Variants in RFC1 observed in about 807,000 individuals in gnomAD.
RFC1 encodes the protein A1 140 kDa subunit.
In RFC1, 37 loss-of-function variants were observed where a neutral mutation model predicts 137.4. The observed-to-expected ratio is 0.27, with a 90% CI of 0.21 to 0.35. RFC1 has a LOEUF of 0.35. RFC1 is among the 10% of genes least tolerant of loss of function. RFC1 has a pLI of 1.00. For synonymous variants in RFC1, 429 were observed against 455.7 expected, an observed-to-expected ratio of 0.94 and a Z score of 0.75; for missense variants, 1,205 against 1,358.5, an observed-to-expected ratio of 0.89 and a Z score of 1.78.
chr4:39,298,456 T>C (rs1738155564), intron 21 of RFC1, among the ~76,000 whole-genome samples: 3 of 152,182 alleles, frequency 2.0e-5, no homozygotes, highest in Admixed American at 6.5e-5. Context: ...AATAATCCTG[T>C]ATAACTATAC....
At chr4:39,355,098 T>TACACACACACACACAC (rs59438877) in intron 1 of RFC1, among the ~76,000 whole-genome samples, 3 of 88,958 alleles carry the variant, frequency 3.4e-5, no homozygotes, top group African/African-American at 1.4e-4. Flanking sequence ...AAAAAAAAAA[T>TACACACACACACACAC]ACACACACAC....
intron 4 of RFC1, among the ~76,000 whole-genome samples, chr4:39,330,780 C>T (rs1740061120): frequency 6.6e-6 from 1 of 152,132 alleles, no homozygotes. Flanking sequence ...TACCGTCAAG[C>T]TTTAATTAAA....
chr4:39,344,265 C>T (rs1740743901), intron 3 of RFC1, among the ~76,000 whole-genome samples: 1 of 152,118 alleles, frequency 6.6e-6, no homozygotes, highest in African/African-American at 2.4e-5. Context: ...CAAAAAAATT[C>T]ATGTTCCCTA....
At chr4:39,312,010 C>T (rs948894567) in intron 11 of RFC1, among the ~76,000 whole-genome samples, 2 of 152,216 alleles carry the variant, frequency 1.3e-5, no homozygotes, top group Non-Finnish European at 2.9e-5. Context: ...TCTTCCCAAC[C>T]TCCCATACAG....
intron 1 of RFC1, 94 bp downstream of exon 1, chr4:39,366,145 C>T: frequency 7.3e-7 from 1 of 1,363,604 alleles, no homozygotes; most frequent in Non-Finnish European, 9.9e-7. Context: ...CACCGCCATC[C>T]TCCCCCACCC....
intron 21 of RFC1, among the ~76,000 whole-genome samples, chr4:39,296,073 A>G (rs1471531989): frequency 6.6e-6 from 1 of 152,180 alleles, no homozygotes; most frequent in Non-Finnish European, 1.5e-5. Flanking sequence ...GTCACAGCAA[A>G]TAATTACTTA....
At chr4:39,354,566 C>T (rs1034053339) in intron 1 of RFC1, among the ~76,000 whole-genome samples, 4 of 151,952 alleles carry the variant, frequency 2.6e-5, no homozygotes, top group African/African-American at 9.7e-5. Context: ...AGGCCAGAAA[C>T]CATCCCTAAA....
At chr4:39,355,098 T>TACACACACACACACACACACAC (rs59438877) in intron 1 of RFC1, among the ~76,000 whole-genome samples, 1 of 88,958 alleles carries the variant, frequency 1.1e-5, no homozygotes, top group South Asian at 3.8e-4. Flanking sequence ...AAAAAAAAAA[T>TACACACACACACACACACACAC]ACACACACAC....
intron 19 of RFC1, among the ~76,000 whole-genome samples, chr4:39,301,105 AAAAAACAAAAAC>A (rs1560592061): frequency 1.3e-5 from 2 of 151,878 alleles, no homozygotes; most frequent in Non-Finnish European, 1.5e-5. Context: ...AAAAAACCAA[AAAAAACAAAAAC>A]AAAAACAAAA....
Position 39,295,676 on chromosome 4 carries a change from C to T in RFC1, c.2892G>A (p.Lys964=). 1 of 1,613,830 alleles carries T rather than the reference C, an allele frequency of 6.2e-7. No individual in the cohort carries two copies. The highest frequency in any genetic ancestry group is 8.5e-7 in the Non-Finnish European group (1 of 1,179,858). ...GATCATGTTTGCCTGTAGACGAGTG[C>T]TTCCCCAGCCAGCTTGGGAAGGTGG... ...QFPTFPSWLG[K]HSSTGKHDRI... is the part of the protein sequence containing the mutation. Residue 964 remains lysine (K), a synonymous_variant, in exon 22 of 25, where the codon AAG becomes AAA. Coordinates refer to ENST00000349703, the MANE Select transcript of RFC1 (RefSeq NM_002913.5).
In RFC1 at chr4:39,336,365, C is replaced by T. The variant is rs544851900; in HGVS notation, c.331+5980G>A. Among the ~76,000 whole-genome samples the T allele has an allele frequency of 2.0e-5, 3 of 152,310 alleles. No individual in the cohort carries two copies. In the South Asian group the frequency reaches 6.2e-4, roughly 32 times the overall value. On this transcript the variant is annotated intron_variant, in intron 4 of 24. Transcript: ENST00000349703. ...ACAGAAGACAGGTTTAGTGACAATGCTATACAGTAACATCATGAACTGGTC... is the reference window on the plus strand; with the variant it reads ...ACAGAAGACAGGTTTAGTGACAATGTTATACAGTAACATCATGAACTGGTC...
intron 22 of RFC1, among the ~76,000 whole-genome samples, chr4:39,294,980 G>A (rs1315788895): frequency 6.6e-6 from 1 of 152,250 alleles, no homozygotes; most frequent in Non-Finnish European, 1.5e-5. Context: ...TCCAGCCTGG[G>A]TGACAGAGTG....
At chr4:39,352,907 T>G (rs1418616813) in intron 1 of RFC1, among the ~76,000 whole-genome samples, 1 of 152,174 alleles carries the variant, frequency 6.6e-6, no homozygotes, top group Non-Finnish European at 1.5e-5. Flanking sequence ...CTCTCTTTAT[T>G]GCCTGAGAGA....
chr4:39,323,296 C>T (rs377262703), intron 7 of RFC1, 44 bp downstream of exon 7: 3 of 1,507,838 alleles, frequency 2.0e-6, no homozygotes, highest in Non-Finnish European at 2.8e-6. Flanking sequence ...GAACACTGAT[C>T]TGTACTGTAT....
chr4:39,293,149 C>T (rs1737783556), intron 22 of RFC1, among the ~76,000 whole-genome samples: 1 of 152,148 alleles, frequency 6.6e-6, no homozygotes, highest in African/African-American at 2.4e-5. Flanking sequence ...TTTTAAAACT[C>T]TCCTAGTTTA....
chr4:39,348,444 G>GAAAT (rs1553926616), intron 2 of RFC1, among the ~76,000 whole-genome samples: 1 of 127,428 alleles, frequency 7.8e-6, no homozygotes, highest in Non-Finnish European at 1.7e-5. Context: ...GAAAAGAAAA[G>GAAAT]AAAAGAAAAG....
chr4:39,298,561 T>C (rs187870229), intron 21 of RFC1, among the ~76,000 whole-genome samples: 1 of 152,250 alleles, frequency 6.6e-6, no homozygotes, highest in East Asian at 1.9e-4. Context: ...GTACCCAATA[T>C]AAAACTGCCT....
intron 4 of RFC1, among the ~76,000 whole-genome samples, chr4:39,336,509 T>C (rs1264314966): frequency 6.6e-6 from 1 of 152,272 alleles, no homozygotes; most frequent in Non-Finnish European, 1.5e-5. Context: ...ATACTAAAAA[T>C]GATATCTGGA....
chr4:39,365,889 G>A (rs56328798), intron 1 of RFC1, among the ~76,000 whole-genome samples: 14 of 152,292 alleles, frequency 9.2e-5, no homozygotes, highest in African/African-American at 3.4e-4. Flanking sequence ...TACTCAAACT[G>A]AGGTTCGGGC....
Sources: allele counts gnomAD v4.1 joint callset (sites outside exome capture counted in the v4.1 genomes callset), GRCh38; gene constraint gnomAD v4.1.1; transcripts MANE v1.5; gene names NCBI Gene and HGNC (gene_info 2026-07-23, HGNC 2026-07-21).